Variants in ABTB2 observed in about 807,000 individuals in gnomAD.
The protein encoded by ABTB2 is ankyrin repeat and BTB/POZ domain-containing protein 2.
Under a neutral mutation model 104.1 loss-of-function variants are expected in ABTB2, and 56 were observed. The ratio of observed to expected loss-of-function variants is 0.54; its 90% CI spans 0.43 to 0.67. The LOEUF (loss-of-function observed/expected upper bound fraction) is 0.67, where lower values mean the gene tolerates loss of function less well. ABTB2 is among the 30% of genes least tolerant of loss of function. The probability of loss-of-function intolerance (pLI) is 0.00; values close to 1 mark genes in which losing one functional copy is unlikely to be tolerated. For synonymous variants in ABTB2, 606 were observed against 608.2 expected (o/e 1.00, Z 0.05); for missense variants, 1,279 against 1,407.7 (o/e 0.91, Z 1.46).
At chr11:34,175,009 G>A (rs767223100) in intron 3 of ABTB2, among the ~76,000 whole-genome samples, 28 of 152,242 alleles carry the variant, frequency 1.8e-4, no homozygotes, top group Non-Finnish European at 2.6e-4. Context: ...GGAGCGTCCC[G>A]CCTGTGCGGT....
chr11:34,274,158 C>CA (rs763755237), intron 1 of ABTB2, among the ~76,000 whole-genome samples: 4,382 of 50,638 alleles, frequency 0.087, 844 homozygotes, highest in Middle Eastern at 0.13. Flanking sequence ...GACTCCGTCT[C>CA]AAAAAAAAAA....
At chr11:34,248,088 A>ATTTTTTTTTTTTT (rs377220875) in intron 1 of ABTB2, among the ~76,000 whole-genome samples, 15 of 78,364 alleles carry the variant, frequency 1.9e-4, no homozygotes, top group African/African-American at 5.0e-4. Flanking sequence ...CTTATCTATA[A>ATTTTTTTTTTTTT]TTTTTCTTAA....
rs545699866 is a variant in ABTB2 at position 34,174,324 on chromosome 11, CAAAAAAAAAAA to C, written c.1245-1028_1245-1018del. On this transcript the variant is annotated intron_variant, in intron 3 of 16. Coordinates refer to ENST00000435224, the MANE Select transcript of ABTB2 (RefSeq NM_145804.3). ...TGGGCGACAGGGCGAGACTCCGTCTCAAAAAAAAAAAAAAAAAAAAAAAAAAGAAAGAAAAA... is the reference window on the plus strand; with the variant it reads ...TGGGCGACAGGGCGAGACTCCGTCTCAAAAAAAAAAAAAAAGAAAGAAAAA... 1.7e-3 allele frequency among the ~76,000 whole-genome samples: 193 copies of C among 114,882 alleles called. 3 individuals are homozygous for C. Among genetic ancestry groups the C allele is most frequent in the South Asian group, 0.016 (57 of 3,606 alleles). 75.4% of individuals were successfully genotyped at this position (114,882 alleles called of 152,430 possible). A position where few individuals can be genotyped will look rare whatever the true frequency, so the allele number is the denominator to read the frequency against.
At chr11:34,229,028 A>G (rs555187378) in intron 1 of ABTB2, among the ~76,000 whole-genome samples, 3 of 148,686 alleles carry the variant, frequency 2.0e-5, no homozygotes, top group Non-Finnish European at 3.0e-5. Flanking sequence ...CTGAGGCAGG[A>G]GAATTGCTTA....
At chr11:34,248,463 C>T (rs1018761367) in intron 1 of ABTB2, among the ~76,000 whole-genome samples, 2 of 152,164 alleles carry the variant, frequency 1.3e-5, no homozygotes, top group Non-Finnish European at 2.9e-5. Flanking sequence ...CCCTTCCTTA[C>T]TACCTTTAAT....
intron 1 of ABTB2, among the ~76,000 whole-genome samples, chr11:34,338,164 T>C (rs1259077427): frequency 6.6e-6 from 1 of 151,924 alleles, no homozygotes; most frequent in African/African-American, 2.4e-5. Flanking sequence ...GTGGATCACC[T>C]GAGATCAGGA....
intron 1 of ABTB2, among the ~76,000 whole-genome samples, chr11:34,295,051 G>A (rs1344374597): frequency 1.3e-5 from 2 of 152,146 alleles, no homozygotes; most frequent in African/African-American, 4.8e-5. Context: ...AGGCATGGAG[G>A]TGCAAGCCTG....
At position 34,300,373 on chromosome 11, in the gene ABTB2, T is replaced by G. The variant is rs575067035; in HGVS notation, c.883+56328A>C. 1.2e-4 allele frequency among the ~76,000 whole-genome samples: 19 copies of G among 152,326 alleles called. No homozygotes were observed. In the South Asian group the frequency reaches 3.7e-3, roughly 30 times the overall value. Reference sequence around the variant, plus strand: ...AATTACAAAACCCTACCATTTAGCTTGTTAGGCTGGCTGCTCCACCCCAGA... The same window carrying G: ...AATTACAAAACCCTACCATTTAGCTGGTTAGGCTGGCTGCTCCACCCCAGA... On this transcript the variant is annotated intron_variant, in intron 1 of 16. Coordinates refer to ENST00000435224, the MANE Select transcript of ABTB2 (RefSeq NM_145804.3).
chr11:34,170,917 T>C lies in ABTB2; in HGVS notation c.1552A>G (p.Met518Val), dbSNP rs774291698. 6 of 1,613,810 alleles carry C rather than the reference T, an allele frequency of 3.7e-6. No homozygotes were observed. Among genetic ancestry groups the C allele is most frequent in the South Asian group, 3.3e-5 (3 of 91,020 alleles). ...CTCTCAGGACGTACCTGGTCATCCATGGTGTTAACCCCATCCGGACCCAAG... is the reference window on the plus strand; with the variant it reads ...CTCTCAGGACGTACCTGGTCATCCACGGTGTTAACCCCATCCGGACCCAAG... ...EALGPDGVNTMDDQGMTPLMY... is the reference protein window; with the variant it reads ...EALGPDGVNTVDDQGMTPLMY... Residue 518 changes from methionine to valine, a missense_variant, in exon 5 of 17, where the codon ATG becomes GTG. Physicochemically the swap from Met to Val is conservative, Grantham distance 21. Coordinates refer to ENST00000435224, the MANE Select transcript of ABTB2 (RefSeq NM_145804.3).
At chr11:34,323,171 T>C (rs2755142) in intron 1 of ABTB2, among the ~76,000 whole-genome samples, 29,594 of 152,152 alleles carry the variant, frequency 0.19, 3,180 homozygotes, top group South Asian at 0.26. Context: ...CCTCCCAAAG[T>C]GCTGGAATTA....
At chr11:34,338,994 AG>A (rs1855229355) in intron 1 of ABTB2, among the ~76,000 whole-genome samples, 1 of 152,202 alleles carries the variant, frequency 6.6e-6, no homozygotes, top group African/African-American at 2.4e-5. Context: ...TGTGGCTCAA[AG>A]GAGAAAATGC....
intron 1 of ABTB2, among the ~76,000 whole-genome samples, chr11:34,210,766 G>T (rs547483383): frequency 1.3e-5 from 2 of 152,286 alleles, no homozygotes; most frequent in South Asian, 4.2e-4. Context: ...AAAACCAGAG[G>T]GCAGAGGATT....
chr11:34,155,432 C>T (rs908355740), intron 14 of ABTB2, among the ~76,000 whole-genome samples: 3 of 152,236 alleles, frequency 2.0e-5, no homozygotes, highest in South Asian at 2.1e-4. Context: ...GGTCCAGGAC[C>T]GGGAACGATT....
intron 1 of ABTB2, among the ~76,000 whole-genome samples, chr11:34,345,536 C>A (rs376921732): frequency 6.6e-6 from 1 of 151,964 alleles, no homozygotes; most frequent in Admixed American, 6.6e-5. Context: ...AGACTCCCCA[C>A]CCCCGCCATC....
rs147423003 is a variant in ABTB2, at chr11:34,300,268, C to T, written c.883+56433G>A. ...GCATTCAGCGTTGGGTAGTGGGAGACGTACTGAAGGCCTTTCAATTTCCAA... is the reference window on the plus strand; with the variant it reads ...GCATTCAGCGTTGGGTAGTGGGAGATGTACTGAAGGCCTTTCAATTTCCAA... On this transcript the variant is annotated intron_variant, in intron 1 of 16. Transcript: ENST00000435224. Among the ~76,000 whole-genome samples the T allele has an allele frequency of 1.1e-3, 160 of 152,246 alleles. 1 individual carries two copies. The highest frequency in any genetic ancestry group is 3.3e-3 in the Admixed American group (51 of 15,284).
intron 1 of ABTB2, among the ~76,000 whole-genome samples, chr11:34,318,354 G>A (rs1854965079): frequency 6.6e-6 from 1 of 152,130 alleles, no homozygotes; most frequent in South Asian, 2.1e-4. Flanking sequence ...ATGAGAACAT[G>A]TGATATTTGA....
chr11:34,295,177 C>T (rs1225406480), intron 1 of ABTB2, among the ~76,000 whole-genome samples: 8 of 151,696 alleles, frequency 5.3e-5, no homozygotes, highest in Non-Finnish European at 1.0e-4. Context: ...GAGCAAGATC[C>T]TATCCTTAAA....
chr11:34,232,135 G>A (rs1420953135), intron 1 of ABTB2, among the ~76,000 whole-genome samples: 2 of 152,154 alleles, frequency 1.3e-5, no homozygotes, highest in Non-Finnish European at 2.9e-5. Context: ...TAATACTCTT[G>A]CGACTTTCAT....
At chr11:34,302,915 G>A (rs1176931632) in intron 1 of ABTB2, among the ~76,000 whole-genome samples, 1 of 152,178 alleles carries the variant, frequency 6.6e-6, no homozygotes, top group African/African-American at 2.4e-5. Flanking sequence ...TCTATCTAGG[G>A]TAGTTGGTGC....
Sources: gnomAD v4.1 joint callset for allele counts (sites outside exome capture counted in the v4.1 genomes callset) on GRCh38, gnomAD v4.1.1 for gene constraint, MANE v1.5 for transcripts, NCBI Gene and HGNC (gene_info 2026-07-23, HGNC 2026-07-21) for gene names.